The following LRFN5 variants were observed in gnomAD, a reference collection of about 807,000 sequenced individuals.
LRFN5 encodes leucine-rich repeat and fibronectin type-III domain-containing protein 5.
In LRFN5, 24 loss-of-function variants were observed where a neutral mutation model predicts 45.6. That is an observed-to-expected ratio of 0.53 (90% CI 0.38 to 0.74). LRFN5 has a LOEUF of 0.74. LRFN5 is among the 30% of genes least tolerant of loss of function. LRFN5 has a pLI of 0.00. For missense variants in LRFN5, 776 were observed against 861.5 expected (o/e 0.90, Z 1.24); for synonymous variants, 340 against 313.8 (o/e 1.08, Z -0.88).
chr14:41,877,275 C>T (rs1307424103), intron 2 of LRFN5, among the ~76,000 whole-genome samples: 1 of 152,094 alleles, frequency 6.6e-6, no homozygotes, highest in Non-Finnish European at 1.5e-5. Flanking sequence ...CGCCTGAGTA[C>T]CTGGGATTAC....
chr14:41,686,188 C>A (rs527383152), intron 1 of LRFN5, among the ~76,000 whole-genome samples: 34 of 151,810 alleles, frequency 2.2e-4, no homozygotes, highest in African/African-American at 7.7e-4. Flanking sequence ...TCACATCCCC[C>A]GTTAGCTGTA....
intron 1 of LRFN5, among the ~76,000 whole-genome samples, chr14:41,695,520 T>C (rs926805011): frequency 2.0e-5 from 3 of 151,938 alleles, no homozygotes; most frequent in African/African-American, 4.8e-5. Context: ...GAATCTCTTA[T>C]TGAGAGCTAA....
chr14:41,707,879 G>A (rs1277847338), intron 1 of LRFN5, among the ~76,000 whole-genome samples: 1 of 151,890 alleles, frequency 6.6e-6, no homozygotes, highest in Non-Finnish European at 1.5e-5. Context: ...TTACACAAAA[G>A]TTTCTTGGCC....
intron 1 of LRFN5, among the ~76,000 whole-genome samples, chr14:41,728,826 T>G (rs1042923964): frequency 4.6e-5 from 7 of 152,174 alleles, no homozygotes; most frequent in Admixed American, 1.3e-4. Context: ...TTGACAAAAA[T>G]GGCATCTTTA....
chr14:41,794,484 T>C (rs988077180), intron 2 of LRFN5, among the ~76,000 whole-genome samples: 10 of 152,048 alleles, frequency 6.6e-5, no homozygotes, highest in African/African-American at 2.2e-4. Flanking sequence ...TAGTTTTATC[T>C]TGGCAATTAC....
intron 1 of LRFN5, among the ~76,000 whole-genome samples, chr14:41,684,821 C>T (rs1232005980): frequency 6.6e-6 from 1 of 152,100 alleles, no homozygotes; most frequent in East Asian, 1.9e-4. Context: ...GAGTTAAAAA[C>T]CTTCTGCACA....
chr14:41,688,295 A>G (rs989661049), intron 1 of LRFN5, among the ~76,000 whole-genome samples: 2 of 152,182 alleles, frequency 1.3e-5, no homozygotes, highest in Non-Finnish European at 2.9e-5. Flanking sequence ...TGTACGTTTA[A>G]AAACAACTAA....
intron 1 of LRFN5, among the ~76,000 whole-genome samples, chr14:41,761,840 AG>A (rs1202273256): frequency 1.3e-5 from 2 of 152,084 alleles, no homozygotes; most frequent in African/African-American, 4.8e-5. Flanking sequence ...TGCAAGTAAA[AG>A]TACTTTGATA....
intron 1 of LRFN5, among the ~76,000 whole-genome samples, chr14:41,734,029 C>CTTTTTTTTT (rs58623215): frequency 4.0e-5 from 5 of 123,886 alleles, no homozygotes; most frequent in East Asian, 2.3e-4. Context: ...CTTTTCTTTT[C>CTTTTTTTTT]TTTTTTTTTT....
At chr14:41,788,381 G>A (rs1886803661) in intron 2 of LRFN5, among the ~76,000 whole-genome samples, 1 of 148,940 alleles carries the variant, frequency 6.7e-6, no homozygotes, top group Non-Finnish European at 1.5e-5. Flanking sequence ...CTGGTTTTTT[G>A]TCCTTATTCC....
intron 1 of LRFN5, among the ~76,000 whole-genome samples, chr14:41,756,344 A>G (rs895778630): frequency 3.9e-5 from 6 of 152,188 alleles, no homozygotes; most frequent in Non-Finnish European, 7.3e-5. Flanking sequence ...TCTCCTGGAT[A>G]ATATCCTGCA....
rs186500171 is a variant in LRFN5, at chr14:41,692,523, G to A, written c.-196-74331G>A. 1.8e-3 allele frequency among the ~76,000 whole-genome samples: 271 copies of A among 151,910 alleles called. 1 individual carries two copies. The highest frequency in any genetic ancestry group is 2.9e-3 in the Non-Finnish European group (195 of 67,958). On this transcript the variant is annotated intron_variant, in intron 1 of 5. Coordinates refer to ENST00000298119, the MANE Select transcript of LRFN5 (RefSeq NM_152447.5). Reference sequence around the variant, plus strand: ...TTGGTGTACTGCACCCATTAAACTCGTCATTTACATTAGGTATATCTCCTA... The same window carrying A: ...TTGGTGTACTGCACCCATTAAACTCATCATTTACATTAGGTATATCTCCTA...
chr14:41,635,520 A>T (rs989757252), intron 1 of LRFN5, among the ~76,000 whole-genome samples: 1 of 152,180 alleles, frequency 6.6e-6, no homozygotes, highest in Non-Finnish European at 1.5e-5. Flanking sequence ...ATCAAATCAG[A>T]ATACTAAGCG....
At chr14:41,694,283 T>C (rs1882503523) in intron 1 of LRFN5, among the ~76,000 whole-genome samples, 1 of 151,944 alleles carries the variant, frequency 6.6e-6, no homozygotes, top group Non-Finnish European at 1.5e-5. Context: ...TCAAAACTTA[T>C]TCCTTCTATC....
intron 2 of LRFN5, among the ~76,000 whole-genome samples, chr14:41,779,865 T>C (rs1427048781): frequency 6.6e-6 from 1 of 151,942 alleles, no homozygotes; most frequent in Non-Finnish European, 1.5e-5. Flanking sequence ...TCCTTTTCTT[T>C]TCTTGGTTAG....
chr14:41,842,289 A>G (rs561521807), intron 2 of LRFN5, among the ~76,000 whole-genome samples: 8 of 152,238 alleles, frequency 5.3e-5, no homozygotes, highest in African/African-American at 1.7e-4. Context: ...CAGCAAACAA[A>G]TTGGATACAT....
At chr14:41,773,356 A>G (rs1401903298) in intron 2 of LRFN5, among the ~76,000 whole-genome samples, 2 of 152,030 alleles carry the variant, frequency 1.3e-5, no homozygotes, top group Non-Finnish European at 2.9e-5. Flanking sequence ...TCTTTCTATT[A>G]TATGGTCTCA....
At chr14:41,691,173 CTG>C (rs1408493018) in intron 1 of LRFN5, among the ~76,000 whole-genome samples, 1 of 151,956 alleles carries the variant, frequency 6.6e-6, no homozygotes, top group Non-Finnish European at 1.5e-5. Context: ...TTAATTTACT[CTG>C]AACATTTTTT....
intron 2 of LRFN5, among the ~76,000 whole-genome samples, chr14:41,884,668 C>T (rs557708696): frequency 6.6e-6 from 1 of 152,254 alleles, no homozygotes; most frequent in East Asian, 1.9e-4. Context: ...ACACCCTCCC[C>T]TTAACGATCT....
Sources: allele counts gnomAD v4.1 joint callset (sites outside exome capture counted in the v4.1 genomes callset), GRCh38; gene constraint gnomAD v4.1.1; transcripts MANE v1.5; gene names NCBI Gene and HGNC (gene_info 2026-07-23, HGNC 2026-07-21).